Variants in ASIC1 observed in about 807,000 individuals in gnomAD.
The protein encoded by ASIC1 is acid sensing ion channel subunit 1.
ASIC1 carries 21 observed loss-of-function variants against 63.4 expected under a neutral mutation model. The observed-to-expected ratio is 0.33, with a 90% CI of 0.23 to 0.48. ASIC1 has a LOEUF of 0.48. ASIC1 is among the 20% of genes least tolerant of loss of function. The pLI is 0.99. For synonymous variants in ASIC1, 258 were observed against 278.2 expected, an observed-to-expected ratio of 0.93 and a Z score of 0.72; for missense variants, 478 against 695.5, an observed-to-expected ratio of 0.69 and a Z score of 3.52.
chr12:50,073,624 G>A, intron 3 of ASIC1: 1 of 1,535,852 alleles, frequency 6.5e-7, no homozygotes, highest in Non-Finnish European at 8.7e-7. Context: ...ATTCTCCTCT[G>A]GAGAGGAAGC....
chr12:50,066,885 TAA>T (rs1950550121), intron 3 of ASIC1, among the ~76,000 whole-genome samples: 1 of 152,194 alleles, frequency 6.6e-6, no homozygotes, highest in South Asian at 2.1e-4. Context: ...TTATCTAGGA[TAA>T]AGTCTCAACC....
rs1950684848 is a variant in ASIC1, at chr12:50,078,776, G to A, written c.995-148G>A. ...GAAGGGTCTAGAAGGTATGGACCTG[G>A]AGTGGGTCACTTCTGGGGCAGCATG... On this transcript the variant is annotated intron_variant, in intron 6 of 11. Transcript: ENST00000447966. The surrounding 1 kb of genome is among the most constrained non-coding windows in gnomAD (Gnocchi z 6.0). 3 of 1,301,846 alleles carry A rather than the reference G, an allele frequency of 2.3e-6. No individual in the cohort carries two copies. The allele number at this position is 1,301,846 out of a possible 1,614,324, so 80.6% of individuals were successfully genotyped here. A position where few individuals can be genotyped will look rare whatever the true frequency, so the allele number is the denominator to read the frequency against.
chr12:50,062,620 G>T (rs868585955), intron 3 of ASIC1, among the ~76,000 whole-genome samples: 1 of 151,816 alleles, frequency 6.6e-6, no homozygotes, highest in Non-Finnish European at 1.5e-5. Flanking sequence ...AAAGTATAGC[G>T]TGCGGGGGCA....
intron 11 of ASIC1, 63 bp downstream of exon 11, chr12:50,081,427 T>TGCCCCC: frequency 1.4e-6 from 2 of 1,411,148 alleles, no homozygotes; most frequent in Non-Finnish European, 9.6e-7. Context: ...AGGAACCCCG[T>TGCCCCC]CCACCCCCGC....
rs1414183053 is a variant in ASIC1, at chr12:50,078,807, CTGCCAGTCCTCCCT to C, written c.995-115_995-102del. ...GTCACTTCTGGGGCAGCATGGGGGC[CTGCCAGTCCTCCCT>C]TCCCATCTTCTCCCAGCTTACACCT... On this transcript the variant is annotated intron_variant, in intron 6 of 11. Coordinates refer to ENST00000447966, the MANE Select transcript of ASIC1 (RefSeq NM_001095.4). This position sits in a 1 kb window ranked among gnomAD's most constrained non-coding sequence, Gnocchi z 6.0. 1.5e-6 allele frequency: 2 copies of C among 1,363,016 alleles called. No homozygotes were observed. Among genetic ancestry groups the C allele is most frequent in the Non-Finnish European group, 2.1e-6 (2 of 956,060 alleles). The allele number at this position is 1,363,016 out of a possible 1,614,324, so 84.4% of individuals were successfully genotyped here. A position where few individuals can be genotyped will look rare whatever the true frequency, so the allele number is the denominator to read the frequency against.
chr12:50,076,548 G>A (rs894236939), intron 3 of ASIC1, among the ~76,000 whole-genome samples: 2 of 152,066 alleles, frequency 1.3e-5, no homozygotes, highest in African/African-American at 4.8e-5. Context: ...GAGAAGATAT[G>A]TCTTGGAGGG....
chr12:50,058,781 CGAG>C lies in ASIC1; in HGVS notation c.26_28del (p.Glu9del), dbSNP rs1565723020. 12 of 1,584,618 alleles carry C rather than the reference CGAG, an allele frequency of 7.6e-6. No homozygotes were observed. Among genetic ancestry groups the C allele is most frequent in the African/African-American group, 1.3e-5 (1 of 74,658 alleles). ...CCTCAACAAGGATGGAACTGAAGGC[CGAG>C]GAGGAGGAGGTGGGTGGCGTCCAGC... On this transcript the variant is annotated inframe_deletion, in exon 2 of 12. Transcript: ENST00000447966.
intron 3 of ASIC1, among the ~76,000 whole-genome samples, chr12:50,065,079 A>T (rs902922340): frequency 1.3e-5 from 2 of 152,096 alleles, no homozygotes; most frequent in African/African-American, 4.8e-5. Flanking sequence ...CCTCTCGGAA[A>T]ATGCCAGGTT....
At chr12:50,081,385 G>A in intron 11 of ASIC1, 21 bp downstream of exon 11, 4 of 1,559,666 alleles carry the variant, frequency 2.6e-6, no homozygotes, top group Non-Finnish European at 3.5e-6. Flanking sequence ...GAGCGAGGGC[G>A]CCCTCCAGCC....
At position 50,078,952 on chromosome 12, in the gene ASIC1, G is replaced by A. The variant is rs1950687012; in HGVS notation, c.1023G>A (p.Gln341=). ...PGDAPYCTPE[Q]YKECADPALD... ...ATGCCCCATACTGTACTCCAGAGCA[G>A]TACAAGGAGTGTGCAGATCCTGCTC... Residue 341 remains glutamine, a synonymous_variant, in exon 7 of 12, where the codon CAG becomes CAA. Coordinates refer to ENST00000447966, the MANE Select transcript of ASIC1 (RefSeq NM_001095.4). This position sits in a 1 kb window ranked among gnomAD's most constrained non-coding sequence, Gnocchi z 6.0. 2 of 1,613,852 alleles carry A rather than the reference G, an allele frequency of 1.2e-6. No individual in the cohort carries two copies. The highest frequency in any genetic ancestry group is 1.7e-5 in the Admixed American group (1 of 59,980).
At chr12:50,073,531 G>A in intron 3 of ASIC1, 1 of 1,456,856 alleles carries the variant, frequency 6.9e-7, no homozygotes, top group Middle Eastern at 1.8e-4. Flanking sequence ...TTCCCCTCTG[G>A]CACCTTCCCC....
chr12:50,072,071 C>T (rs1287655377), intron 3 of ASIC1, among the ~76,000 whole-genome samples: 1 of 152,198 alleles, frequency 6.6e-6, no homozygotes, highest in Admixed American at 6.5e-5. Context: ...CCAAAGGTTC[C>T]ACATCACTCA....
chr12:50,081,725 C>A lies in ASIC1; in HGVS notation c.*76C>A. 1 of 1,366,108 alleles carries A rather than the reference C, an allele frequency of 7.3e-7. No homozygotes were observed. Among genetic ancestry groups the A allele is most frequent in the Non-Finnish European group, 1.0e-6 (1 of 981,200 alleles). 84.6% of individuals were successfully genotyped at this position (1,366,108 alleles called of 1,614,324 possible). ...GAGGGGGCCCCCAGCTGCCTCCTCA[C>A]ATCTGCCCTGGGGACTCCCCACACT... On this transcript the variant is annotated 3_prime_UTR_variant, in exon 12 of 12. Coordinates refer to ENST00000447966, the MANE Select transcript of ASIC1 (RefSeq NM_001095.4).
At chr12:50,079,758 T>C in intron 7 of ASIC1, 144 bp from the exon 8 acceptor site, 1 of 1,041,938 alleles carries the variant, frequency 9.6e-7, no homozygotes, top group South Asian at 1.6e-5. Context: ...GTTGGCAGAG[T>C]TTAGCATCCA....
At chr12:50,073,745 AG>A in intron 3 of ASIC1, 2 of 1,536,388 alleles carry the variant, frequency 1.3e-6, no homozygotes, top group Non-Finnish European at 1.7e-6. Context: ...GTGAGGAAGG[AG>A]GCCAGTGAGG....
At chr12:50,080,689 C>T (rs1950706483) in intron 9 of ASIC1, 100 bp downstream of exon 9, 3 of 1,613,974 alleles carry the variant, frequency 1.9e-6, no homozygotes, top group Non-Finnish European at 2.5e-6. Flanking sequence ...CATGAGGGTC[C>T]TCCACCCCAG....
rs1365915744 is a variant in ASIC1 at position 50,078,919 on chromosome 12, T to C, written c.995-5T>C. The C allele has an allele frequency of 1.2e-6, 2 of 1,613,694 alleles. No individual in the cohort carries two copies. Among genetic ancestry groups the C allele is most frequent in the East Asian group, 2.2e-5 (1 of 44,872 alleles). ...TCCTGCATCATTGTCTTTTCTCCTC[T>C]GTAGGGGATGCCCCATACTGTACTC... On this transcript the variant is annotated splice_polypyrimidine_tract_variant and splice_region_variant and intron_variant, in intron 6 of 11. Coordinates refer to ENST00000447966, the MANE Select transcript of ASIC1 (RefSeq NM_001095.4). This position sits in a 1 kb window ranked among gnomAD's most constrained non-coding sequence, Gnocchi z 6.0.
chr12:50,060,521 T>A (rs1950491544), intron 3 of ASIC1, among the ~76,000 whole-genome samples: 1 of 152,210 alleles, frequency 6.6e-6, no homozygotes, highest in South Asian at 2.1e-4. Flanking sequence ...CTGTGTGCCA[T>A]CCGCACCCCA....
intron 3 of ASIC1, among the ~76,000 whole-genome samples, chr12:50,071,492 C>T (rs1005370573): frequency 7.9e-5 from 12 of 151,864 alleles, no homozygotes; most frequent in South Asian, 2.1e-4. Context: ...CTGTGTTAGC[C>T]AGGATGGTCT....
Sources: allele counts gnomAD v4.1 joint callset (sites outside exome capture counted in the v4.1 genomes callset), GRCh38; gene constraint gnomAD v4.1.1; non-coding constraint Gnocchi (gnomAD v3.1); transcripts MANE v1.5; gene names NCBI Gene and HGNC (gene_info 2026-07-23, HGNC 2026-07-21).